RBFOX1: variants seen among roughly 807,000 people sequenced by gnomAD.
RBFOX1 encodes the protein RNA binding fox-1 homolog 1, also known as RNA binding protein fox-1 homolog 1.
A neutral mutation model predicts 57.7 loss-of-function variants in RBFOX1; 8 were observed. The ratio of observed to expected loss-of-function variants is 0.14; its 90% CI spans 0.08 to 0.25. RBFOX1 has a LOEUF of 0.25. RBFOX1 is among the 10% of genes least tolerant of loss of function. RBFOX1 has a pLI of 1.00. For synonymous variants in RBFOX1, 326 were observed against 222.4 expected, an observed-to-expected ratio of 1.47 and a Z score of -4.15; for missense variants, 611 against 548.5, an observed-to-expected ratio of 1.11 and a Z score of -1.14.
At chr16:5,427,139 G>A (rs1369411371) in intron 1 of RBFOX1, among the ~76,000 whole-genome samples, 7 of 152,210 alleles carry the variant, frequency 4.6e-5, no homozygotes, top group Non-Finnish European at 8.8e-5. Context: ...CAGATGCTGT[G>A]TTCTGGAAGT....
intron 1 of RBFOX1, among the ~76,000 whole-genome samples, chr16:5,256,366 G>A (rs1359698387): frequency 6.6e-6 from 1 of 152,094 alleles, no homozygotes; most frequent in South Asian, 2.1e-4. Flanking sequence ...TGTCAAGTTC[G>A]GGGAGGGGGC....
At chr16:5,621,612 A>G (rs956086424) in intron 3 of RBFOX1, among the ~76,000 whole-genome samples, 14 of 152,178 alleles carry the variant, frequency 9.2e-5, no homozygotes, top group African/African-American at 2.9e-4. Flanking sequence ...GGAAAATACT[A>G]TAAGTGAAGA....
At chr16:5,261,222 G>A (rs2062723637) in intron 1 of RBFOX1, among the ~76,000 whole-genome samples, 1 of 152,168 alleles carries the variant, frequency 6.6e-6, no homozygotes, top group South Asian at 2.1e-4. Context: ...GTTTTATGTT[G>A]TTAAGGTTGA....
chr16:7,639,802 C>G (rs1320329152), intron 11 of RBFOX1, among the ~76,000 whole-genome samples: 1 of 152,100 alleles, frequency 6.6e-6, no homozygotes, highest in Non-Finnish European at 1.5e-5. Context: ...TTTGCTTCAC[C>G]AAACCCATGG....
chr16:5,384,161 C>G (rs974392325), intron 1 of RBFOX1, among the ~76,000 whole-genome samples: 1 of 152,162 alleles, frequency 6.6e-6, no homozygotes, highest in Non-Finnish European at 1.5e-5. Flanking sequence ...TTAGCAATTC[C>G]TGCAGCCAAG....
intron 3 of RBFOX1, among the ~76,000 whole-genome samples, chr16:5,815,482 A>C (rs535059919): frequency 1.3e-5 from 2 of 152,212 alleles, no homozygotes; most frequent in African/African-American, 4.8e-5. Flanking sequence ...AGAGCCTGAA[A>C]AATGAGTATT....
At chr16:7,356,252 A>G (rs1465944288) in intron 4 of RBFOX1, among the ~76,000 whole-genome samples, 3 of 152,194 alleles carry the variant, frequency 2.0e-5, no homozygotes, top group Admixed American at 6.5e-5. Context: ...CGGGACTTAG[A>G]TTCTAATGGG....
intron 3 of RBFOX1, among the ~76,000 whole-genome samples, chr16:6,898,831 GTA>G (rs1164217214): frequency 4.0e-5 from 6 of 151,556 alleles, no homozygotes; most frequent in Admixed American, 6.6e-5. Flanking sequence ...ATACATGTGT[GTA>G]TGTGTGTGCA....
chr16:6,851,859 G>A (rs949790256), intron 3 of RBFOX1, among the ~76,000 whole-genome samples: 2 of 152,070 alleles, frequency 1.3e-5, no homozygotes, highest in South Asian at 2.1e-4. Context: ...TCTAGAACAG[G>A]GACACCACTA....
intron 4 of RBFOX1, chr16:7,126,572 C>A (rs1007926535): frequency 4.0e-5 from 8 of 200,832 alleles, no homozygotes; most frequent in Admixed American, 2.3e-4. Flanking sequence ...ACAGTTCGTG[C>A]AGCAAATAGG....
Position 7,211,570 on chromosome 16 carries a change from T to C in RBFOX1, c.27+159472T>C, listed in dbSNP as rs542733069. Among the ~76,000 whole-genome samples the C allele has an allele frequency of 3.3e-5, 5 of 152,082 alleles. No individual in the cohort carries two copies. In the East Asian group the frequency reaches 9.7e-4, roughly 29 times the overall value. The stretch of plus-strand genomic sequence containing the variant: ...GTAAAGCAAACAAACAAAAAAGGCC[T>C]TGAGTCTTAAAAGAGAGAGAAAGAG... On this transcript the variant is annotated intron_variant, in intron 4 of 15. Transcript: ENST00000550418.
chr16:6,887,643 TG>T (rs2064395481), intron 3 of RBFOX1, among the ~76,000 whole-genome samples: 1 of 150,064 alleles, frequency 6.7e-6, no homozygotes, highest in Non-Finnish European at 1.5e-5. Flanking sequence ...AGGGTTTGGT[TG>T]TTTTTGCTGT....
At chr16:5,556,181 C>T (rs375694084) in intron 2 of RBFOX1, among the ~76,000 whole-genome samples, 11 of 152,298 alleles carry the variant, frequency 7.2e-5, no homozygotes, top group East Asian at 1.9e-4. Context: ...TTCCCTCTTG[C>T]GGTTACATAC....
chr16:5,355,189 G>T (rs1481121401), intron 1 of RBFOX1, among the ~76,000 whole-genome samples: 1 of 152,170 alleles, frequency 6.6e-6, no homozygotes, highest in Non-Finnish European at 1.5e-5. Flanking sequence ...TGGAGCTTCT[G>T]TGAGTTTCCC....
intron 2 of RBFOX1, among the ~76,000 whole-genome samples, chr16:6,487,787 C>CT (rs1366381207): frequency 7.9e-6 from 1 of 125,814 alleles, no homozygotes. Context: ...ATGTTTATTA[C>CT]TTTTTCTCTA....
rs998655821 is a variant in RBFOX1, at chr16:6,019,211, C to T, written c.-908C>T. On this transcript the variant is annotated 5_prime_UTR_variant, in exon 1 of 16. Transcript: ENST00000550418. This position sits in a 1 kb window ranked among gnomAD's most constrained non-coding sequence, Gnocchi z 4.2. Reference sequence around the variant, plus strand: ...TTATTCTCTCCCGCCCTCCTACAAGCGCTCTTGCTGGCCGTCTGGGTGCAC... The same window carrying T: ...TTATTCTCTCCCGCCCTCCTACAAGTGCTCTTGCTGGCCGTCTGGGTGCAC... 21 of 985,184 alleles carry T rather than the reference C, an allele frequency of 2.1e-5. No homozygotes were observed. The highest frequency in any genetic ancestry group is 2.3e-5 in the Non-Finnish European group (19 of 829,974). The allele number at this position is 985,184 out of a possible 1,614,324, so 61.0% of individuals were successfully genotyped here. A position where few individuals can be genotyped will look rare whatever the true frequency, so the allele number is the denominator to read the frequency against.
chr16:6,546,844 C>T (rs972035243), intron 2 of RBFOX1, among the ~76,000 whole-genome samples: 2 of 152,184 alleles, frequency 1.3e-5, no homozygotes, highest in Non-Finnish European at 2.9e-5. Context: ...CTGAGCTTGC[C>T]ATTGGCAATG....
intron 3 of RBFOX1, among the ~76,000 whole-genome samples, chr16:5,633,760 G>A (rs995224686): frequency 7.2e-5 from 11 of 151,900 alleles, no homozygotes; most frequent in Non-Finnish European, 1.5e-4. Flanking sequence ...TGTAATCGCA[G>A]CTGCTCAGGA....
intron 3 of RBFOX1, among the ~76,000 whole-genome samples, chr16:6,909,044 A>T (rs1483085577): frequency 1.3e-5 from 2 of 152,180 alleles, no homozygotes; most frequent in Non-Finnish European, 2.9e-5. Context: ...TGCTATAACT[A>T]AATGATCACC....
Sources: gnomAD v4.1 joint callset for allele counts (sites outside exome capture counted in the v4.1 genomes callset) on GRCh38, gnomAD v4.1.1 for gene constraint, Gnocchi (gnomAD v3.1) non-coding constraint, MANE v1.5 for transcripts, NCBI Gene and HGNC (gene_info 2026-07-23, HGNC 2026-07-21) for gene names.